The following PTPRN2 variants were observed in gnomAD, a reference collection of about 807,000 sequenced individuals.
The protein encoded by PTPRN2 is receptor-type tyrosine-protein phosphatase N2.
Under a neutral mutation model 118.8 loss-of-function variants are expected in PTPRN2, and 74 were observed. The ratio of observed to expected loss-of-function variants is 0.62; its 90% CI spans 0.52 to 0.76. PTPRN2 has a LOEUF of 0.76. Ranked by LOEUF, PTPRN2 falls within the 30% of genes least tolerant of loss-of-function variation. The pLI, the probability that PTPRN2 is intolerant of heterozygous loss-of-function variation, is 0.00. For synonymous variants in PTPRN2, 641 were observed against 608.0 expected (o/e 1.05, Z -0.80); for missense variants, 1,481 against 1,394.4 (o/e 1.06, Z -0.99).
intron 11 of PTPRN2, among the ~76,000 whole-genome samples, chr7:157,965,964 T>C (rs891344375): frequency 6.6e-6 from 1 of 152,154 alleles, no homozygotes; most frequent in Non-Finnish European, 1.5e-5. Context: ...TGGAATCAGC[T>C]TCCCAAAGCA....
rs6971835 is a variant in PTPRN2, at chr7:158,159,565, G to C, written c.910+7366C>G. Among the ~76,000 whole-genome samples the C allele has an allele frequency of 7.3e-3, 1,111 of 152,270 alleles. 20 individuals are homozygous for C. Among genetic ancestry groups the C allele is most frequent in the African/African-American group, 0.025 (1,043 of 41,544 alleles). On this transcript the variant is annotated intron_variant, in intron 6 of 22. Transcript: ENST00000389418. ...GCAGAACCAAGATGATGAAAGAAAG[G>C]GTTCTAACAGGTTGGTTACCGGTTT... is the stretch of plus-strand genomic sequence containing the variant.
chr7:158,242,972 A>G (rs1327902198), intron 3 of PTPRN2, among the ~76,000 whole-genome samples: 1 of 152,108 alleles, frequency 6.6e-6, no homozygotes, highest in Non-Finnish European at 1.5e-5. Flanking sequence ...ACAACTCCCA[A>G]TTTTGATGAT....
chr7:158,270,824 CCACCTGGATGACCCCCT>C (rs1406256186), intron 3 of PTPRN2, among the ~76,000 whole-genome samples: 953 of 7,904 alleles, frequency 0.12, 87 homozygotes, highest in African/African-American at 0.16. Context: ...ACCGCCCCCT[CCACCTGGATGACCCCCT>C]CACCTGGACC....
At chr7:158,541,439 C>G (rs1308117716) in intron 1 of PTPRN2, 1 of 1,351,408 alleles carries the variant, frequency 7.4e-7, no homozygotes, top group Non-Finnish European at 9.8e-7. Context: ...CCCACATCTG[C>G]ACCAGACACT....
At chr7:157,541,522 A>G (rs557468275) in intron 22 of PTPRN2, among the ~76,000 whole-genome samples, 5 of 152,268 alleles carry the variant, frequency 3.3e-5, no homozygotes, top group Admixed American at 1.3e-4. Context: ...CGGAGAGCGT[A>G]TCTGCCTCCT....
intron 12 of PTPRN2, among the ~76,000 whole-genome samples, chr7:157,842,510 A>G (rs1808504155): frequency 7.0e-6 from 1 of 143,314 alleles, no homozygotes; most frequent in African/African-American, 2.6e-5. Context: ...CACCTCCCGT[A>G]TTCAAGTGAT....
chr7:157,746,057 TCACAGGACTCCCTAC>T lies in PTPRN2; in HGVS notation c.1789-63135_1789-63121del, dbSNP rs1800910140. ...CCTCACAGGGCCCTGAGTGTGGAGA[TCACAGGACTCCCTAC>T]ACCCCACAGTCCTCCCTACACCCCA... On this transcript the variant is annotated intron_variant, in intron 12 of 22. Transcript: ENST00000389418. Among the ~76,000 whole-genome samples the T allele has an allele frequency of 2.1e-5, 3 of 140,620 alleles. No homozygotes were observed. In the Admixed American group the frequency reaches 2.2e-4, roughly 11 times the overall value. The allele number at this position is 140,620 out of a possible 152,430, so 92.3% of individuals were successfully genotyped here.
At chr7:157,895,210 G>A (rs1797040537) in intron 12 of PTPRN2, among the ~76,000 whole-genome samples, 1 of 152,084 alleles carries the variant, frequency 6.6e-6, no homozygotes. Flanking sequence ...CATAAAATAA[G>A]CCAGAGGATC....
intron 11 of PTPRN2, among the ~76,000 whole-genome samples, chr7:158,058,262 T>G (rs1203631674): frequency 5.5e-5 from 8 of 146,098 alleles, no homozygotes; most frequent in Non-Finnish European, 1.1e-4. Flanking sequence ...GACACATCAC[T>G]GCAGCCACGC....
At chr7:158,239,454 G>A (rs530700038) in intron 3 of PTPRN2, among the ~76,000 whole-genome samples, 74 of 152,272 alleles carry the variant, frequency 4.9e-4, no homozygotes, top group African/African-American at 1.4e-3. Flanking sequence ...CCCTCCTGCC[G>A]TGTGGGGCAA....
chr7:158,079,520 T>C (rs139149443), intron 11 of PTPRN2, among the ~76,000 whole-genome samples: 14 of 152,328 alleles, frequency 9.2e-5, no homozygotes, highest in African/African-American at 3.1e-4. Flanking sequence ...TTATGATTTT[T>C]AAAAATATAA....
At chr7:157,637,903 C>A (rs887116148) in intron 14 of PTPRN2, among the ~76,000 whole-genome samples, 1 of 152,234 alleles carries the variant, frequency 6.6e-6, no homozygotes, top group African/African-American at 2.4e-5. Flanking sequence ...AGAGTTCCAG[C>A]AAGTGCTGTA....
At chr7:158,441,081 CTGGTGGT>C in intron 2 of PTPRN2, among the ~76,000 whole-genome samples, 1 of 113,144 alleles carries the variant, frequency 8.8e-6, no homozygotes, top group South Asian at 2.9e-4. Context: ...GATGGTGGTG[CTGGTGGT>C]AGTGATAGGG....
At chr7:158,158,231 T>G (rs1291155184) in intron 6 of PTPRN2, among the ~76,000 whole-genome samples, 2 of 152,308 alleles carry the variant, frequency 1.3e-5, no homozygotes, top group East Asian at 3.9e-4. Flanking sequence ...GACAGAAGCA[T>G]TGGTATCAGT....
chr7:157,644,142 C>G (rs899071690), intron 14 of PTPRN2, among the ~76,000 whole-genome samples: 17 of 152,202 alleles, frequency 1.1e-4, no homozygotes, highest in African/African-American at 3.1e-4. Flanking sequence ...GCAGGTGGGG[C>G]CTTTACAGAG....
chr7:158,435,538 G>A (rs905471636), intron 2 of PTPRN2, among the ~76,000 whole-genome samples: 2 of 152,100 alleles, frequency 1.3e-5, no homozygotes, highest in Non-Finnish European at 2.9e-5. Flanking sequence ...ATTAAAAATA[G>A]AACTACTATT....
intron 12 of PTPRN2, among the ~76,000 whole-genome samples, chr7:157,696,619 T>C (rs1255050912): frequency 6.9e-6 from 1 of 145,384 alleles, no homozygotes; most frequent in Non-Finnish European, 1.5e-5. Context: ...GCCCTCACCA[T>C]CTACCCATGC....
intron 10 of PTPRN2, among the ~76,000 whole-genome samples, chr7:158,101,244 G>A (rs1217529620): frequency 3.9e-5 from 6 of 152,134 alleles, no homozygotes; most frequent in Admixed American, 2.0e-4. Context: ...ACTGATCTTC[G>A]ATAAAGCAAA....
At chr7:158,248,860 GCA>G (rs545698310) in intron 3 of PTPRN2, among the ~76,000 whole-genome samples, 2 of 12,896 alleles carry the variant, frequency 1.6e-4, no homozygotes, top group African/African-American at 3.1e-4. Context: ...ACATACACAT[GCA>G]CACACCACAC....
Sources: allele counts gnomAD v4.1 joint callset (sites outside exome capture counted in the v4.1 genomes callset), GRCh38; gene constraint gnomAD v4.1.1; transcripts MANE v1.5; gene names NCBI Gene and HGNC (gene_info 2026-07-23, HGNC 2026-07-21).